TRPM3: variants seen among roughly 807,000 people sequenced by gnomAD.
TRPM3 encodes transient receptor potential cation channel subfamily M member 3.
TRPM3 carries 77 observed loss-of-function variants against 181.2 expected under a neutral mutation model. The ratio of observed to expected loss-of-function variants is 0.42; its 90% confidence interval spans 0.35 to 0.51. The LOEUF is 0.51. Among genes scored for constraint, TRPM3 ranks in the 20% least tolerant of loss-of-function variants. The pLI is 0.01. For synonymous variants in TRPM3, 745 were observed against 796.4 expected (o/e 0.94, Z 1.09); for missense variants, 1,759 against 2,196.7 (o/e 0.80, Z 3.98).
intron 1 of TRPM3, among the ~76,000 whole-genome samples, chr9:71,317,808 T>C (rs1163973443): frequency 1.3e-5 from 2 of 152,206 alleles, no homozygotes; most frequent in Non-Finnish European, 2.9e-5. Context: ...TTTGTATTTA[T>C]AAGAAAGTAC....
At chr9:71,055,544 A>T (rs1016870462) in intron 1 of TRPM3, among the ~76,000 whole-genome samples, 1 of 152,016 alleles carries the variant, frequency 6.6e-6, no homozygotes, top group Non-Finnish European at 1.5e-5. Context: ...AACACACATC[A>T]TGTCTTATAT....
chr9:71,085,040 A>G (rs1411974189), intron 1 of TRPM3, among the ~76,000 whole-genome samples: 4 of 152,062 alleles, frequency 2.6e-5, no homozygotes, highest in Non-Finnish European at 4.4e-5. Flanking sequence ...GGGACTCCCT[A>G]GTCAACAAAA....
intron 3 of TRPM3, among the ~76,000 whole-genome samples, chr9:70,860,084 T>G (rs371205720): frequency 3.9e-5 from 6 of 152,206 alleles, no homozygotes; most frequent in African/African-American, 1.4e-4. Flanking sequence ...GTTTCACTAC[T>G]CTGTCTTTGT....
intron 5 of TRPM3, among the ~76,000 whole-genome samples, chr9:70,828,250 G>A (rs11142605): frequency 0.27 from 41,588 of 152,112 alleles, 6,288 homozygotes; most frequent in Non-Finnish European, 0.33. Context: ...ACTGAAATGG[G>A]GCAGAAAATA....
At chr9:70,759,399 T>C (rs1022750392) in intron 8 of TRPM3, among the ~76,000 whole-genome samples, 3 of 152,204 alleles carry the variant, frequency 2.0e-5, no homozygotes, top group Non-Finnish European at 4.4e-5. Context: ...TGTATATTAG[T>C]TCAATCATTC....
chr9:71,203,845 A>G (rs927569249), intron 1 of TRPM3, among the ~76,000 whole-genome samples: 1 of 151,880 alleles, frequency 6.6e-6, no homozygotes, highest in Non-Finnish European at 1.5e-5. Context: ...CCTCCATCAC[A>G]ATCATCATCA....
chr9:71,275,061 G>C (rs2084088077), intron 1 of TRPM3, among the ~76,000 whole-genome samples: 1 of 112,874 alleles, frequency 8.9e-6, no homozygotes, highest in Non-Finnish European at 1.9e-5. Flanking sequence ...ACATAGTAAG[G>C]CAAGGAAAAA....
chr9:70,938,177 T>C (rs1420781897), intron 1 of TRPM3, among the ~76,000 whole-genome samples: 1 of 152,304 alleles, frequency 6.6e-6, no homozygotes, highest in Admixed American at 6.5e-5. Flanking sequence ...ATTTTTGACC[T>C]GAGTTTGGAG....
At chr9:71,014,047 A>G (rs1564974049) in intron 1 of TRPM3, among the ~76,000 whole-genome samples, 2 of 151,856 alleles carry the variant, frequency 1.3e-5, no homozygotes, top group African/African-American at 4.8e-5. Context: ...TTTTACTGGC[A>G]TAAGTATTGG....
rs530733201 is a variant in TRPM3, at chr9:71,047,413, A to AT, written c.177+73764dup. Among the ~76,000 whole-genome samples, 672 of 152,118 alleles carry AT rather than the reference A, an allele frequency of 4.4e-3. 5 individuals are homozygous for AT. The highest frequency in any genetic ancestry group is 0.015 in the African/African-American group (639 of 41,488). On this transcript the variant is annotated intron_variant, in intron 1 of 25. Transcript: ENST00000677713. ...ATCATCAGGTAAGAAAATTTTAATA[A>AT]TTTTTTTTCTGAAATTCTTATGAAG...
Position 70,629,215 on chromosome 9 carries a change from C to CGCGG in TRPM3, c.1633-3699_1633-3698insCCGC, listed in dbSNP as rs2065247715. Reference sequence around the variant, plus strand: ...GGATAAATGATTCTGTGACCAGTGCCGGGGGGGGGGGGGGCCTGCGTTCTG... The same window carrying CGCGG: ...GGATAAATGATTCTGTGACCAGTGCCGCGGGGGGGGGGGGGGGGCCTGCGTTCTG... On this transcript the variant is annotated intron_variant, in intron 12 of 25. Transcript: ENST00000677713. Among the ~76,000 whole-genome samples the CGCGG allele has an allele frequency of 3.9e-4, 4 of 10,174 alleles. 1 individual carries two copies. Among genetic ancestry groups the CGCGG allele is most frequent in the Non-Finnish European group, 1.0e-3 (4 of 4,002 alleles). 6.7% of individuals were successfully genotyped at this position (10,174 alleles called of 152,430 possible).
At chr9:70,822,178 C>G (rs1014301882) in intron 6 of TRPM3, among the ~76,000 whole-genome samples, 11 of 152,186 alleles carry the variant, frequency 7.2e-5, no homozygotes, top group Non-Finnish European at 1.6e-4. Context: ...CTCTGCTTTT[C>G]CTCCTGTTCT....
At chr9:71,106,727 T>C (rs967165818) in intron 1 of TRPM3, among the ~76,000 whole-genome samples, 1 of 152,222 alleles carries the variant, frequency 6.6e-6, no homozygotes, top group Non-Finnish European at 1.5e-5. Flanking sequence ...TTGCCATAGC[T>C]CTTGTTTACT....
chr9:71,255,413 C>T (rs1202858154), intron 1 of TRPM3, among the ~76,000 whole-genome samples: 2 of 152,194 alleles, frequency 1.3e-5, no homozygotes, highest in South Asian at 4.2e-4. Flanking sequence ...ATTGGCTGGC[C>T]AGGCATCCCA....
intron 1 of TRPM3, among the ~76,000 whole-genome samples, chr9:71,304,851 C>T (rs2087119629): frequency 1.3e-5 from 2 of 152,094 alleles, no homozygotes; most frequent in Non-Finnish European, 1.5e-5. Context: ...TTCTGTAGCT[C>T]GGGTGAATCT....
intron 19 of TRPM3, among the ~76,000 whole-genome samples, chr9:70,610,292 T>C (rs1157142001): frequency 6.6e-6 from 1 of 152,192 alleles, no homozygotes; most frequent in African/African-American, 2.4e-5. Flanking sequence ...CCCTTATCCA[T>C]TCAAAACAAG....
intron 1 of TRPM3, among the ~76,000 whole-genome samples, chr9:71,359,474 T>A (rs1017089912): frequency 6.6e-6 from 1 of 152,208 alleles, no homozygotes; most frequent in African/African-American, 2.4e-5. Context: ...TAAACCAACA[T>A]AATTTAAACC....
intron 1 of TRPM3, among the ~76,000 whole-genome samples, chr9:71,040,009 T>G: frequency 6.6e-6 from 1 of 152,304 alleles, no homozygotes; most frequent in Non-Finnish European, 1.5e-5. Flanking sequence ...GTTCAATAAA[T>G]TTCATAGATG....
rs192118763 is a variant in TRPM3, at chr9:70,695,613, G to A, written c.1273-14035C>T. On this transcript the variant is annotated intron_variant, in intron 8 of 25. Coordinates refer to ENST00000677713, the MANE Select transcript of TRPM3 (RefSeq NM_001366145.2). The stretch of plus-strand genomic sequence containing the variant: ...TGCCTGGGTTAGACACCTAGCCTCC[G>A]TGCTGCCTCTGAACTATGTGAATAT... Among the ~76,000 whole-genome samples the A allele has an allele frequency of 3.9e-5, 6 of 152,278 alleles. No homozygotes were observed. The East Asian group carries it at 9.6e-4, about 24-fold the overall frequency.
Sources: gnomAD v4.1 joint callset for allele counts (sites outside exome capture counted in the v4.1 genomes callset) on GRCh38, gnomAD v4.1.1 for gene constraint, MANE v1.5 for transcripts, NCBI Gene and HGNC (gene_info 2026-07-23, HGNC 2026-07-21) for gene names.